The following DENND4C variants were observed in gnomAD, a reference collection of about 807,000 sequenced individuals.
The protein encoded by DENND4C is DENN domain containing 4C, also known as DENN domain-containing protein 4C.
DENND4C carries 108 observed loss-of-function variants against 203.0 expected under a neutral mutation model. The ratio of observed to expected loss-of-function variants is 0.53; its 90% CI spans 0.46 to 0.62. DENND4C has a LOEUF of 0.62. Among genes scored for constraint, DENND4C ranks in the 20% least tolerant of loss-of-function variants. DENND4C has a pLI of 0.00. For missense variants in DENND4C, 2,481 were observed against 2,301.2 expected, an observed-to-expected ratio of 1.08 and a Z score of -1.60; for synonymous variants, 871 against 792.4, an observed-to-expected ratio of 1.10 and a Z score of -1.67.
intron 4 of DENND4C, among the ~76,000 whole-genome samples, chr9:19,289,564 C>CA (rs2131144457): frequency 6.6e-6 from 1 of 152,190 alleles, no homozygotes; most frequent in East Asian, 1.9e-4. Flanking sequence ...CATGGTGGCT[C>CA]ACGCCTGTAA....
intron 1 of DENND4C, among the ~76,000 whole-genome samples, chr9:19,275,297 T>A (rs1272937824): frequency 7.1e-5 from 3 of 42,188 alleles, no homozygotes; most frequent in Non-Finnish European, 1.2e-4. Flanking sequence ...TTTTTCTTTC[T>A]CTTTTTTTTT....
At position 19,346,393 on chromosome 9, in the gene DENND4C, A is replaced by C; in HGVS notation, c.3624A>C (p.Leu1208=). The stretch of plus-strand genomic sequence containing the variant: ...CAACAGTAGATACATATGAGAGTCT[A>C]CTAAGTGATAGTAACAGTAATCAGT... The part of the protein sequence containing the change: ...TTATVDTYES[L]LSDSNSNQSR... Residue 1208 remains leucine (L), a synonymous_variant, in exon 23 of 33, where the codon CTA becomes CTC. Coordinates refer to ENST00000434457, the MANE Select transcript of DENND4C (RefSeq NM_001330640.2). 2 of 1,614,186 alleles carry C rather than the reference A, an allele frequency of 1.2e-6. No homozygotes were observed. Among genetic ancestry groups the C allele is most frequent in the Non-Finnish European group, 1.7e-6 (2 of 1,180,028 alleles).
intron 1 of DENND4C, among the ~76,000 whole-genome samples, chr9:19,264,855 T>A (rs1056812726): frequency 1.3e-5 from 2 of 152,150 alleles, no homozygotes; most frequent in Admixed American, 1.3e-4. Flanking sequence ...TTTGCTTTTC[T>A]AATTCTTTAA....
In DENND4C at chr9:19,258,137, C is replaced by T. The variant is rs568501540; in HGVS notation, c.-17-18021C>T. ...TGTCTCAAAAAATCAATCAATCAAT[C>T]TATCTATCTATCAATCAAGAAGAAA... On this transcript the variant is annotated intron_variant, in intron 1 of 32. Transcript: ENST00000434457. Among the ~76,000 whole-genome samples, 28 of 151,674 alleles carry T rather than the reference C, an allele frequency of 1.8e-4. No homozygotes were observed. In the South Asian group the frequency reaches 5.4e-3, roughly 29 times the overall value.
chr9:19,316,635 C>G lies in DENND4C; in HGVS notation c.1603C>G (p.Gln535Glu). Residue 535 changes from glutamine to glutamate, a missense_variant, in exon 12 of 33, where the codon CAA becomes GAA. Gln to Glu is a conservative substitution (Grantham distance 29). Coordinates refer to ENST00000434457, the MANE Select transcript of DENND4C (RefSeq NM_001330640.2). ...TCCTTTGTTAGTTCACCAAAAAACT[C>G]AAGAAGGCTCAGCGATTGACATGAC... ...PQLSSVHQKT[Q>E]EGSAIDMTPI... is the part of the protein sequence containing the mutation. 1 of 1,613,704 alleles carries G rather than the reference C, an allele frequency of 6.2e-7. No homozygotes were observed. Among genetic ancestry groups the G allele is most frequent in the Non-Finnish European group, 8.5e-7 (1 of 1,179,900 alleles).
At position 19,325,881 on chromosome 9, in the gene DENND4C, A is replaced by G. The variant is rs1029742257; in HGVS notation, c.1954-58A>G. On this transcript the variant is annotated intron_variant, in intron 13 of 32. Transcript: ENST00000434457. ...TTCTAAATCAGAATGTAAGATAAAA[A>G]TGTCTATTAAATTCATAGTGGACAT... The G allele has an allele frequency of 7.3e-6, 11 of 1,506,262 alleles. No individual in the cohort carries two copies. In the East Asian group the frequency reaches 9.0e-5, roughly 12 times the overall value. The allele number at this position is 1,506,262 out of a possible 1,614,324, so 93.3% of individuals were successfully genotyped here. A position where few individuals can be genotyped will look rare whatever the true frequency, so the allele number is the denominator to read the frequency against.
chr9:19,320,496 G>T (rs1414479038), intron 12 of DENND4C, among the ~76,000 whole-genome samples: 2 of 152,192 alleles, frequency 1.3e-5, no homozygotes. Context: ...ACTGCGCTCG[G>T]CCCACATCTT....
intron 2 of DENND4C, among the ~76,000 whole-genome samples, chr9:19,276,898 T>A (rs1832995900): frequency 6.6e-6 from 1 of 152,094 alleles, no homozygotes; most frequent in Admixed American, 6.6e-5. Flanking sequence ...AGCAGTCCTA[T>A]TTTAAATACA....
At chr9:19,258,575 T>A (rs1828553196) in intron 1 of DENND4C, among the ~76,000 whole-genome samples, 1 of 152,072 alleles carries the variant, frequency 6.6e-6, no homozygotes, top group Non-Finnish European at 1.5e-5. Flanking sequence ...TATTAACAAA[T>A]AAAAGAAAAG....
intron 1 of DENND4C, among the ~76,000 whole-genome samples, chr9:19,260,371 G>GGTTAT (rs71335411): frequency 0.18 from 26,286 of 146,970 alleles, 2,577 homozygotes; most frequent in East Asian, 0.28. Context: ...TATATGTTCT[G>GGTTAT]GTTATGTTAT....
intron 12 of DENND4C, among the ~76,000 whole-genome samples, chr9:19,321,831 C>CA (rs35648828): frequency 0.019 from 1,625 of 86,394 alleles, 32 homozygotes; most frequent in Admixed American, 0.042. Flanking sequence ...GACTCCATCT[C>CA]AAAAAAAAAA....
At chr9:19,284,551 T>G (rs1473036248) in intron 2 of DENND4C, among the ~76,000 whole-genome samples, 3 of 152,170 alleles carry the variant, frequency 2.0e-5, no homozygotes, top group Non-Finnish European at 2.9e-5. Flanking sequence ...TCTATAGTGT[T>G]TGTGCCATTT....
intron 1 of DENND4C, among the ~76,000 whole-genome samples, chr9:19,257,865 C>T (rs1485226325): frequency 6.6e-6 from 1 of 152,160 alleles, no homozygotes; most frequent in Non-Finnish European, 1.5e-5. Flanking sequence ...CAAGGTGGCT[C>T]ATTCCTGTAA....
intron 2 of DENND4C, among the ~76,000 whole-genome samples, chr9:19,278,620 A>C (rs2100184488): frequency 6.6e-6 from 1 of 152,184 alleles, no homozygotes; most frequent in African/African-American, 2.4e-5. Context: ...AAAAAGTTTA[A>C]AAAGTCCTCA....
At chr9:19,279,910 T>A (rs979100892) in intron 2 of DENND4C, among the ~76,000 whole-genome samples, 14 of 151,724 alleles carry the variant, frequency 9.2e-5, no homozygotes, top group Non-Finnish European at 1.6e-4. Flanking sequence ...GGTGAAGATA[T>A]ATGAATTCAA....
intron 15 of DENND4C, among the ~76,000 whole-genome samples, chr9:19,327,612 T>C (rs937593583): frequency 2.0e-5 from 3 of 152,128 alleles, no homozygotes; most frequent in African/African-American, 7.2e-5. Flanking sequence ...TAAATTGTGG[T>C]ACATCCTTAA....
intron 1 of DENND4C, among the ~76,000 whole-genome samples, chr9:19,231,523 T>C (rs900233450): frequency 2.0e-5 from 3 of 151,946 alleles, no homozygotes; most frequent in African/African-American, 7.3e-5. Context: ...ACTTTTTCTG[T>C]TTTAAGAATG....
chr9:19,284,583 T>G (rs1010030926), intron 2 of DENND4C, among the ~76,000 whole-genome samples: 1 of 152,172 alleles, frequency 6.6e-6, no homozygotes, highest in African/African-American at 2.4e-5. Context: ...ATATATGTGT[T>G]TTTTTAATCC....
In DENND4C at chr9:19,372,022, GA is replaced by G; in HGVS notation, c.5741-11del. On this transcript the variant is annotated splice_polypyrimidine_tract_variant and intron_variant, in intron 32 of 32. Transcript: ENST00000434457. ...CTTAACAAATTACAACTTCATTTTT[GA>G]AAATTTCTTTCAGAGGCATTTGACA... 1 of 1,596,768 alleles carries G rather than the reference GA, an allele frequency of 6.3e-7. No individual in the cohort carries two copies. Among genetic ancestry groups the G allele is most frequent in the Non-Finnish European group, 8.5e-7 (1 of 1,172,462 alleles).
Sources: gnomAD v4.1 joint callset for allele counts (sites outside exome capture counted in the v4.1 genomes callset) on GRCh38, gnomAD v4.1.1 for gene constraint, MANE v1.5 for transcripts, NCBI Gene and HGNC (gene_info 2026-07-23, HGNC 2026-07-21) for gene names.